GALNT13: variants seen among roughly 807,000 people sequenced by gnomAD.
The protein encoded by GALNT13 is UDP-GalNAc:polypeptide N-acetylgalactosaminyltransferase 13.
Under a neutral mutation model 64.2 loss-of-function variants are expected in GALNT13, and 28 were observed. That is an observed-to-expected ratio of 0.44 (90% CI 0.32 to 0.60). The LOEUF is 0.60. Among genes scored for constraint, GALNT13 ranks in the 20% least tolerant of loss-of-function variants. The pLI is 0.05. For missense variants in GALNT13, 577 were observed against 669.8 expected (o/e 0.86, Z 1.53); for synonymous variants, 214 against 224.6 (o/e 0.95, Z 0.42).
chr2:153,692,614 TA>T, the GALNT13 span, among the ~76,000 whole-genome samples: 1 of 152,210 alleles, frequency 6.6e-6, no homozygotes, highest in Non-Finnish European at 1.5e-5. Flanking sequence ...TGGTGAAAGC[TA>T]TTTTTTTCTA....
At chr2:153,901,844 A>G (rs1403678192) in intron 2 of GALNT13, among the ~76,000 whole-genome samples, 1 of 152,194 alleles carries the variant, frequency 6.6e-6, no homozygotes. Flanking sequence ...AATGGCAGAT[A>G]TAATACCTTA....
At chr2:154,039,215 A>G (rs1698838915) in intron 3 of GALNT13, among the ~76,000 whole-genome samples, 1 of 152,072 alleles carries the variant, frequency 6.6e-6, no homozygotes, top group African/African-American at 2.4e-5. Flanking sequence ...CCTCAAAAAA[A>G]CTAAAAATAG....
chr2:153,769,792 T>C, the GALNT13 span, among the ~76,000 whole-genome samples: 1 of 152,208 alleles, frequency 6.6e-6, no homozygotes, highest in East Asian at 1.9e-4. Context: ...AAATTCTTCA[T>C]TTTTGTCTGA....
At chr2:153,601,530 C>T in the GALNT13 span, among the ~76,000 whole-genome samples, 2 of 151,416 alleles carry the variant, frequency 1.3e-5, no homozygotes, top group African/African-American at 2.4e-5. Context: ...AACATTCTCA[C>T]ATATTTCCTT....
chr2:153,995,642 A>G (rs1443663932), intron 3 of GALNT13, among the ~76,000 whole-genome samples: 4 of 152,126 alleles, frequency 2.6e-5, no homozygotes, highest in African/African-American at 7.2e-5. Context: ...CTCAATGTCT[A>G]TCCCTCAATC....
chr2:153,146,185 T>TC, the GALNT13 span, among the ~76,000 whole-genome samples: 4 of 151,406 alleles, frequency 2.6e-5, no homozygotes, highest in Admixed American at 6.6e-5. Flanking sequence ...TTTTTTTTTT[T>TC]CCAATGACCC....
chr2:153,413,888 A>G, the GALNT13 span, among the ~76,000 whole-genome samples: 1 of 152,234 alleles, frequency 6.6e-6, no homozygotes, highest in African/African-American at 2.4e-5. Context: ...AGCGTTACCC[A>G]CAATTGATTC....
chr2:153,569,044 C>A, the GALNT13 span, among the ~76,000 whole-genome samples: 1 of 152,066 alleles, frequency 6.6e-6, no homozygotes, highest in Admixed American at 6.6e-5. Flanking sequence ...AGATTCAGGA[C>A]TATTATAAAT....
the GALNT13 span, among the ~76,000 whole-genome samples, chr2:153,705,487 T>C: frequency 2.0e-5 from 3 of 152,144 alleles, no homozygotes; most frequent in African/African-American, 7.2e-5. Flanking sequence ...ATTTCTCTCT[T>C]ACGTATCTGC....
chr2:153,338,073 T>G, the GALNT13 span, among the ~76,000 whole-genome samples: 1 of 152,088 alleles, frequency 6.6e-6, no homozygotes, highest in African/African-American at 2.4e-5. Context: ...GGAGGATCAC[T>G]TCAGGTCAGG....
chr2:154,344,684 T>C (rs1559102667), intron 9 of GALNT13, among the ~76,000 whole-genome samples: 2 of 151,988 alleles, frequency 1.3e-5, no homozygotes, highest in Admixed American at 1.3e-4. Flanking sequence ...AATGATACAA[T>C]CTTGCAATAC....
rs144974852 is a variant in GALNT13 at position 154,345,951 on chromosome 2, C to T, written c.1156+44362C>T. On this transcript the variant is annotated intron_variant, in intron 9 of 12. Transcript: ENST00000392825. ...CTACTGCATCCAAATTATACTAAAT[C>T]TCTATTCAAAATTTCCATTTTAGCC... 7.0e-3 allele frequency among the ~76,000 whole-genome samples: 1,069 copies of T among 152,100 alleles called. 12 individuals carry two copies. Among genetic ancestry groups the T allele is most frequent in the African/African-American group, 0.025 (1,020 of 41,540 alleles).
the GALNT13 span, among the ~76,000 whole-genome samples, chr2:153,760,068 T>C: frequency 2.0e-5 from 3 of 152,064 alleles, no homozygotes; most frequent in Admixed American, 6.6e-5. Flanking sequence ...TATTTATTGG[T>C]TGGCATACAA....
upstream of GALNT13, among the ~76,000 whole-genome samples, chr2:153,870,116 C>T (rs2105205015): frequency 6.6e-6 from 1 of 151,862 alleles, no homozygotes; most frequent in Non-Finnish European, 1.5e-5. Context: ...ACCAACCTGA[C>T]AACCCACAGA....
At chr2:153,467,524 A>G in the GALNT13 span, among the ~76,000 whole-genome samples, 2 of 152,106 alleles carry the variant, frequency 1.3e-5, no homozygotes, top group African/African-American at 4.8e-5. Flanking sequence ...CTAGATTTAC[A>G]TCTTTAATCT....
chr2:154,336,817 A>C (rs969609053), intron 9 of GALNT13, among the ~76,000 whole-genome samples: 1 of 151,984 alleles, frequency 6.6e-6, no homozygotes, highest in African/African-American at 2.4e-5. Flanking sequence ...TTAACTTAGC[A>C]CTCTCTCTGC....
chr2:153,614,586 G>T, the GALNT13 span, among the ~76,000 whole-genome samples: 1 of 151,960 alleles, frequency 6.6e-6, no homozygotes, highest in South Asian at 2.1e-4. Context: ...ACAGTGACTG[G>T]GGTACCAAAG....
chr2:153,976,921 A>G (rs1393293196), intron 3 of GALNT13, among the ~76,000 whole-genome samples: 1 of 151,980 alleles, frequency 6.6e-6, no homozygotes, highest in African/African-American at 2.4e-5. Flanking sequence ...AATTGAAATA[A>G]TTCCATCTAC....
At chr2:153,419,695 G>A in the GALNT13 span, among the ~76,000 whole-genome samples, 36 of 152,228 alleles carry the variant, frequency 2.4e-4, no homozygotes, top group Admixed American at 4.6e-4. Context: ...ATGAATGCAT[G>A]TAAAACTAGT....
Sources: gnomAD v4.1 joint callset for allele counts (sites outside exome capture counted in the v4.1 genomes callset) on GRCh38, gnomAD v4.1.1 for gene constraint, MANE v1.5 for transcripts, NCBI Gene and HGNC (gene_info 2026-07-23, HGNC 2026-07-21) for gene names.